MITF: variants seen among roughly 807,000 people sequenced by gnomAD.
MITF encodes microphthalmia-associated transcription factor.
MITF carries 17 observed loss-of-function variants against 60.5 expected under a neutral mutation model. That is an observed-to-expected ratio of 0.28 (90% CI 0.19 to 0.42). The LOEUF (loss-of-function observed/expected upper bound fraction) is 0.42, where lower values mean the gene tolerates loss of function less well. MITF is among the 10% of genes least tolerant of loss of function. The probability of loss-of-function intolerance (pLI) is 1.00; values close to 1 mark genes in which losing one functional copy is unlikely to be tolerated. For missense variants in MITF, 622 were observed against 683.5 expected (o/e 0.91, Z 1.00); for synonymous variants, 260 against 248.5 (o/e 1.05, Z -0.43).
At chr3:69,818,270 T>A (rs1242240916) in intron 1 of MITF, among the ~76,000 whole-genome samples, 5 of 152,180 alleles carry the variant, frequency 3.3e-5, no homozygotes, top group African/African-American at 9.6e-5. Context: ...CCCACCATCC[T>A]TTTTTCTTTC....
intron 3 of MITF, chr3:69,938,697 G>C: frequency 7.7e-7 from 1 of 1,302,038 alleles, no homozygotes; most frequent in African/African-American, 1.5e-5. Flanking sequence ...AAAATTTGCA[G>C]CATACAAATA....
intron 9 of MITF, among the ~76,000 whole-genome samples, chr3:69,964,276 T>G (rs999735147): frequency 1.9e-4 from 29 of 152,148 alleles, no homozygotes; most frequent in African/African-American, 6.5e-4. Context: ...ATTTAAAACT[T>G]TATTTTTGTA....
chr3:69,901,807 G>A (rs1054856441), intron 2 of MITF, among the ~76,000 whole-genome samples: 1 of 152,194 alleles, frequency 6.6e-6, no homozygotes, highest in Non-Finnish European at 1.5e-5. Flanking sequence ...GACATAGCGT[G>A]TGCTGAGCAT....
At chr3:69,761,958 C>T (rs542975738) in intron 1 of MITF, among the ~76,000 whole-genome samples, 1 of 152,322 alleles carries the variant, frequency 6.6e-6, no homozygotes, top group African/African-American at 2.4e-5. Context: ...TCACTCATCT[C>T]TTTTTCCCTC....
chr3:69,955,689 C>A (rs2066379239), intron 7 of MITF, among the ~76,000 whole-genome samples: 1 of 152,048 alleles, frequency 6.6e-6, no homozygotes, highest in Non-Finnish European at 1.5e-5. Flanking sequence ...GTGGCATGTG[C>A]CTGTAGTCCC....
At chr3:69,796,955 A>C (rs1276044465) in intron 1 of MITF, among the ~76,000 whole-genome samples, 1 of 152,220 alleles carries the variant, frequency 6.6e-6, no homozygotes, top group Non-Finnish European at 1.5e-5. Flanking sequence ...TGTGTGATAA[A>C]GGTTGCAGAA....
At chr3:69,911,393 C>T (rs1382039229) in intron 2 of MITF, among the ~76,000 whole-genome samples, 2 of 152,170 alleles carry the variant, frequency 1.3e-5, no homozygotes, top group East Asian at 3.9e-4. Context: ...GCCTCAGACT[C>T]TTGGGCTCAA....
At chr3:69,794,311 T>C (rs1430460842) in intron 1 of MITF, among the ~76,000 whole-genome samples, 1 of 152,374 alleles carries the variant, frequency 6.6e-6, no homozygotes, top group East Asian at 1.9e-4. Context: ...GTGTTATGTA[T>C]GTGAACAAAG....
At chr3:69,804,806 C>G (rs2062978718) in intron 1 of MITF, among the ~76,000 whole-genome samples, 1 of 152,172 alleles carries the variant, frequency 6.6e-6, no homozygotes, top group South Asian at 2.1e-4. Context: ...AGTTGGCTGT[C>G]TTGTGGAAGG....
At chr3:69,830,616 A>G (rs762207551) in intron 1 of MITF, among the ~76,000 whole-genome samples, 3 of 152,160 alleles carry the variant, frequency 2.0e-5, no homozygotes, top group Non-Finnish European at 2.9e-5. Flanking sequence ...CCGATGCTTC[A>G]TCAAAGTGGG....
chr3:69,764,091 G>A, intron 1 of MITF: 1 of 584,648 alleles, frequency 1.7e-6, no homozygotes, highest in Non-Finnish European at 2.6e-6. Context: ...GAAATGTTCA[G>A]TTCACTTGTT....
intron 5 of MITF, among the ~76,000 whole-genome samples, chr3:69,944,582 C>T (rs2066049801): frequency 6.6e-6 from 1 of 152,062 alleles, no homozygotes; most frequent in African/African-American, 2.4e-5. Context: ...AGCATTTTGC[C>T]ATTAGGGGAA....
At chr3:69,804,778 A>G (rs972764213) in intron 1 of MITF, among the ~76,000 whole-genome samples, 2 of 152,202 alleles carry the variant, frequency 1.3e-5, no homozygotes, top group Non-Finnish European at 2.9e-5. Context: ...GGGAGCTCTG[A>G]GTGAAGGAAG....
chr3:69,949,712 G>GAAAAA (rs2066194255), intron 6 of MITF, among the ~76,000 whole-genome samples: 3 of 152,294 alleles, frequency 2.0e-5, no homozygotes, highest in Admixed American at 2.0e-4. Context: ...TGGAGCAATG[G>GAAAAA]ATATTATTTG....
At chr3:69,889,675 G>A (rs2064714360) in intron 2 of MITF, among the ~76,000 whole-genome samples, 1 of 151,602 alleles carries the variant, frequency 6.6e-6, no homozygotes, top group Non-Finnish European at 1.5e-5. Context: ...TCCCCAATTT[G>A]GACACTAAAT....
chr3:69,849,612 T>G (rs2063791673), intron 1 of MITF, among the ~76,000 whole-genome samples: 1 of 152,202 alleles, frequency 6.6e-6, no homozygotes, highest in Non-Finnish European at 1.5e-5. Context: ...CCTGGGTGAA[T>G]AGCTAATGAG....
intron 1 of MITF, among the ~76,000 whole-genome samples, chr3:69,836,227 G>A (rs1484730962): frequency 6.6e-6 from 1 of 151,726 alleles, no homozygotes; most frequent in Non-Finnish European, 1.5e-5. Flanking sequence ...TTATTTTTTG[G>A]TAGCTGTTGT....
chr3:69,810,556 C>G, intron 1 of MITF, among the ~76,000 whole-genome samples: 1 of 152,030 alleles, frequency 6.6e-6, no homozygotes, highest in Admixed American at 6.6e-5. Flanking sequence ...ATCAAAAGAT[C>G]AGTTTTGATT....
At chr3:69,933,977 A>G (rs2065778344) in intron 2 of MITF, among the ~76,000 whole-genome samples, 1 of 152,152 alleles carries the variant, frequency 6.6e-6, no homozygotes, top group Non-Finnish European at 1.5e-5. Context: ...GCCTCATAAT[A>G]ATGCTATGAG....
Sources: allele counts gnomAD v4.1 joint callset (sites outside exome capture counted in the v4.1 genomes callset), GRCh38; gene constraint gnomAD v4.1.1; transcripts MANE v1.5; gene names NCBI Gene and HGNC (gene_info 2026-07-23, HGNC 2026-07-21).